The following LHX9 variants were observed in gnomAD, a reference collection of about 807,000 sequenced individuals.
LHX9 encodes LIM/homeobox protein Lhx9.
In LHX9, 9 loss-of-function variants were observed where a neutral mutation model predicts 36.5. The ratio of observed to expected loss-of-function variants is 0.25; its 90% confidence interval spans 0.15 to 0.43. The LOEUF (loss-of-function observed/expected upper bound fraction) is 0.43, where lower values mean the gene tolerates loss of function less well. Ranked by LOEUF, LHX9 falls within the 20% of genes least tolerant of loss-of-function variation. The pLI, the probability that LHX9 is intolerant of heterozygous loss-of-function variation, is 1.00. For missense variants in LHX9, 464 were observed against 526.4 expected, an observed-to-expected ratio of 0.88 and a Z score of 1.16; for synonymous variants, 211 against 212.1, an observed-to-expected ratio of 0.99 and a Z score of 0.04.
chr1:197,934,498 C>A lies in LHX9; in HGVS notation c.*5239C>A, dbSNP rs1286170554. 6.6e-6 allele frequency: 1 copy of A among 152,166 alleles called. No homozygotes were observed. The highest frequency in any genetic ancestry group is 2.4e-5 in the African/African-American group (1 of 41,436). The allele number at this position is 152,166 out of a possible 1,614,324, so 9.4% of individuals were successfully genotyped here. Reference sequence around the variant, plus strand: ...TTAACTATGTTATAAACAAAGCTAGCTTTACTTGTAGAGAGTTCGTGTACT... The same window carrying A: ...TTAACTATGTTATAAACAAAGCTAGATTTACTTGTAGAGAGTTCGTGTACT... On this transcript the variant is annotated 3_prime_UTR_variant, in exon 5 of 5. Coordinates refer to ENST00000367387, the MANE Select transcript of LHX9 (RefSeq NM_020204.3).
At chr1:197,915,586 A>C, upstream of LHX9, among the ~76,000 whole-genome samples, 1 of 152,184 alleles carries the variant, frequency 6.6e-6, no homozygotes, top group Admixed American at 6.5e-5. Context: ...GATTGGCTTC[A>C]TTTTTGTGTG....
At chr1:197,916,497 G>A (rs893605588), upstream of LHX9, 31 of 591,686 alleles carry the variant, frequency 5.2e-5, no homozygotes, top group Non-Finnish European at 9.3e-5. Flanking sequence ...TTCCTATATT[G>A]GCAAGCTTCA....
At chr1:197,927,505 C>T in intron 3 of LHX9, 86 bp from the exon 4 acceptor site, 1 of 1,093,850 alleles carries the variant, frequency 9.1e-7, no homozygotes, top group South Asian at 1.3e-5. Context: ...GCTTTATTAC[C>T]ATAGCAGTGT....
rs1660265216 is a variant in LHX9, at chr1:197,929,489, A to G, written c.*230A>G. On this transcript the variant is annotated 3_prime_UTR_variant, in exon 5 of 5. Transcript: ENST00000367387. ...TGTCTACAAAGTGTATTTGGATTTA[A>G]AAAAATTAATTAGGTCTTTCAGTTG... 9.8e-7 allele frequency: 1 copy of G among 1,016,752 alleles called. No homozygotes were observed. The highest frequency in any genetic ancestry group is 1.2e-6 in the Non-Finnish European group (1 of 845,154). The allele number at this position is 1,016,752 out of a possible 1,614,324, so 63.0% of individuals were successfully genotyped here.
rs764693333 is a variant in LHX9 at position 197,927,651 on chromosome 1, A to G, written c.794A>G (p.Gln265Arg). ...GACCAGCAGCCTTATCCACCCTCGCAGAAGACCAAGCGCATGCGAACCTCT... is the reference window on the plus strand; with the variant it reads ...GACCAGCAGCCTTATCCACCCTCGCGGAAGACCAAGCGCATGCGAACCTCT... The part of the protein sequence containing the change: ...DRDQQPYPPS[Q>R]KTKRMRTSFK... The change falls in exon 4 of 5, where the codon CAG becomes CGG. Residue 265 changes from glutamine (Q) to arginine (R), a missense_variant. This residue lies in a region of LHX9 where 130 missense variants were observed against 109.6 expected (regional missense o/e 1.19). Coordinates refer to ENST00000367387, the MANE Select transcript of LHX9 (RefSeq NM_020204.3). 5.0e-6 allele frequency: 8 copies of G among 1,614,088 alleles called. No homozygotes were observed. The highest frequency in any genetic ancestry group is 5.9e-6 in the Non-Finnish European group (7 of 1,180,048).
Position 197,934,804 on chromosome 1 carries a change from G to C in LHX9, c.*5545G>C, listed in dbSNP as rs1234422090. The C allele has an allele frequency of 6.6e-6, 1 of 151,436 alleles. No individual in the cohort carries two copies. The highest frequency in any genetic ancestry group is 1.5e-5 in the Non-Finnish European group (1 of 67,854). The allele number at this position is 151,436 out of a possible 1,614,324, so 9.4% of individuals were successfully genotyped here. A position where few individuals can be genotyped will look rare whatever the true frequency, so the allele number is the denominator to read the frequency against. On this transcript the variant is annotated 3_prime_UTR_variant, in exon 5 of 5. Transcript: ENST00000367387. Reference sequence around the variant, plus strand: ...GAAGTTTTTTTAATGGTTTACTGTTGATTTTAAACATTTTAATAATAGTGC... The same window carrying C: ...GAAGTTTTTTTAATGGTTTACTGTTCATTTTAAACATTTTAATAATAGTGC...
chr1:197,918,123 G>A, intron 1 of LHX9, 126 bp downstream of exon 1: 2 of 1,053,270 alleles, frequency 1.9e-6, no homozygotes, highest in Non-Finnish European at 2.8e-6. Flanking sequence ...AGGGTGGCGG[G>A]TGAGTTTTCT....
rs968901029 is a variant in LHX9 at position 197,931,859 on chromosome 1, C to T, written c.*2600C>T. On this transcript the variant is annotated 3_prime_UTR_variant, in exon 5 of 5. Coordinates refer to ENST00000367387, the MANE Select transcript of LHX9 (RefSeq NM_020204.3). ...TATTTGTAAATCTAAATAGAAATTGCAGACCCCTAAAAGCCAAGTTGCTCT... is the reference window on the plus strand; with the variant it reads ...TATTTGTAAATCTAAATAGAAATTGTAGACCCCTAAAAGCCAAGTTGCTCT... 2.0e-5 allele frequency: 23 copies of T among 1,139,904 alleles called. No individual in the cohort carries two copies. The highest frequency in any genetic ancestry group is 2.7e-5 in the Non-Finnish European group (21 of 780,796). The allele number at this position is 1,139,904 out of a possible 1,614,324, so 70.6% of individuals were successfully genotyped here.
chr1:197,928,625 G>C (rs1040966682), intron 4 of LHX9, among the ~76,000 whole-genome samples: 11 of 152,118 alleles, frequency 7.2e-5, no homozygotes, highest in African/African-American at 2.7e-4. Context: ...CAATGGCCCT[G>C]CTTCTACCTC....
Position 197,921,804 on chromosome 1 carries a change from G to A in LHX9, c.733+145G>A. The A allele has an allele frequency of 1.4e-6, 1 of 709,606 alleles. No homozygotes were observed. The highest frequency in any genetic ancestry group is 2.3e-6 in the Non-Finnish European group (1 of 439,994). The allele number at this position is 709,606 out of a possible 1,614,324, so 44.0% of individuals were successfully genotyped here. A position where few individuals can be genotyped will look rare whatever the true frequency, so the allele number is the denominator to read the frequency against. ...ACTGCAACTCCCTCTCACTCTGAAG[G>A]AAGGGAGAGAGGGAGGAGGAGGGGG... On this transcript the variant is annotated intron_variant, in intron 3 of 4. Transcript: ENST00000367387. The surrounding 1 kb of genome is among the most constrained non-coding windows in gnomAD (Gnocchi z 4.6).
intron 1 of LHX9, among the ~76,000 whole-genome samples, chr1:197,919,028 CT>C (rs1473464875): frequency 6.6e-6 from 1 of 152,220 alleles, no homozygotes; most frequent in Non-Finnish European, 1.5e-5. Context: ...CTAAACTTTA[CT>C]TTTTCAGGCC....
chr1:197,934,610 G>A lies in LHX9; in HGVS notation c.*5351G>A, dbSNP rs1323842492. 4 of 152,056 alleles carry A rather than the reference G, an allele frequency of 2.6e-5. No individual in the cohort carries two copies. In the East Asian group the frequency reaches 5.8e-4, roughly 22 times the overall value. 9.4% of individuals were successfully genotyped at this position (152,056 alleles called of 1,614,324 possible). ...ACAGTAGGACTTAGTCCAAATTGACGAAATATCATTGAATTTTCTTTGAAA... is the reference window on the plus strand; with the variant it reads ...ACAGTAGGACTTAGTCCAAATTGACAAAATATCATTGAATTTTCTTTGAAA... On this transcript the variant is annotated 3_prime_UTR_variant, in exon 5 of 5. Coordinates refer to ENST00000367387, the MANE Select transcript of LHX9 (RefSeq NM_020204.3).
At position 197,932,943 on chromosome 1, in the gene LHX9, C is replaced by G. The variant is rs934790206; in HGVS notation, c.*3684C>G. On this transcript the variant is annotated 3_prime_UTR_variant, in exon 5 of 5. Coordinates refer to ENST00000367387, the MANE Select transcript of LHX9 (RefSeq NM_020204.3). ...GTTTACATGTTTGCTATGCAATGAA[C>G]AAATTTATTGATGTATACAAATATA... The G allele has an allele frequency of 1.3e-5, 2 of 151,814 alleles. No homozygotes were observed. Among genetic ancestry groups the G allele is most frequent in the Non-Finnish European group, 2.9e-5 (2 of 67,874 alleles). The allele number at this position is 151,814 out of a possible 1,614,324, so 9.4% of individuals were successfully genotyped here.
In LHX9 at chr1:197,927,675, C is replaced by G; in HGVS notation, c.818C>G (p.Ser273Cys). 1.9e-6 allele frequency: 3 copies of G among 1,614,214 alleles called. No homozygotes were observed. The highest frequency in any genetic ancestry group is 2.5e-6 in the Non-Finnish European group (3 of 1,180,034). ...CAGAAGACCAAGCGCATGCGAACCT[C>G]TTTCAAGCATCACCAGCTCCGGACC... ...PSQKTKRMRT[S>C]FKHHQLRTMK... Residue 273 changes from serine (S) to cysteine (C), a missense_variant, in exon 4 of 5, where the codon TCT (serine) becomes TGT (cysteine). Ser to Cys is a moderately radical substitution (Grantham distance 112). This residue lies in a region of LHX9 where 20 missense variants were observed against 67.0 expected (regional missense o/e 0.30). Coordinates refer to ENST00000367387, the MANE Select transcript of LHX9 (RefSeq NM_020204.3).
intron 1 of LHX9, chr1:197,918,326 G>A (rs755264312): frequency 2.2e-5 from 16 of 717,344 alleles, no homozygotes; most frequent in Non-Finnish European, 3.6e-5. Flanking sequence ...GCGTCTCCCC[G>A]GCGAGGATCC....
Position 197,929,270 on chromosome 1 carries a change from T to C in LHX9, c.*11T>C. 1.5e-6 allele frequency: 2 copies of C among 1,357,360 alleles called. No homozygotes were observed. The highest frequency in any genetic ancestry group is 1.9e-6 in the Non-Finnish European group (2 of 1,045,636). 84.1% of individuals were successfully genotyped at this position (1,357,360 alleles called of 1,614,324 possible). On this transcript the variant is annotated 3_prime_UTR_variant, in exon 5 of 5. Transcript: ENST00000367387. ...ACAAACCTTTTCTAACATTGGTTTT[T>C]TTTTTTTAGTTTTTAAATTCTTCCT...
In LHX9 at chr1:197,922,673, CT is replaced by C. The variant is rs1284848130; in HGVS notation, c.733+1017del. Among the ~76,000 whole-genome samples, 5 of 152,186 alleles carry C rather than the reference CT, an allele frequency of 3.3e-5. No individual in the cohort carries two copies. In the East Asian group the frequency reaches 9.6e-4, roughly 29 times the overall value. On this transcript the variant is annotated intron_variant, in intron 3 of 4. Transcript: ENST00000367387. ...TTGGGGAGCCTAAGGACCTTAACTG[CT>C]TTGGCTTTCAGTGCCCTGGCCCACA... is the stretch of plus-strand genomic sequence containing the variant.
chr1:197,920,832 A>T (rs1022405822), intron 2 of LHX9, among the ~76,000 whole-genome samples: 32 of 152,186 alleles, frequency 2.1e-4, no homozygotes, highest in African/African-American at 7.2e-4. Flanking sequence ...AAGTTGTTAA[A>T]AAAATAATAA....
At chr1:197,923,038 C>A (rs1177873495) in intron 3 of LHX9, among the ~76,000 whole-genome samples, 1 of 152,234 alleles carries the variant, frequency 6.6e-6, no homozygotes, top group African/African-American at 2.4e-5. Flanking sequence ...CTCTCTCAGA[C>A]CTCCGTTGGG....
Sources: allele counts gnomAD v4.1 joint callset (sites outside exome capture counted in the v4.1 genomes callset), GRCh38; gene constraint gnomAD v4.1.1; regional missense constraint gnomAD v4.1.1; non-coding constraint Gnocchi (gnomAD v3.1); transcripts MANE v1.5; gene names NCBI Gene and HGNC (gene_info 2026-07-23, HGNC 2026-07-21).